The following SSBP4 variants were observed in gnomAD, a reference collection of about 807,000 sequenced individuals.
The protein encoded by SSBP4 is single-stranded DNA-binding protein 4.
Under a neutral mutation model 64.6 loss-of-function variants are expected in SSBP4, and 33 were observed. The ratio of observed to expected loss-of-function variants is 0.51; its 90% CI spans 0.39 to 0.68. SSBP4 has a LOEUF of 0.68. Ranked by LOEUF, SSBP4 falls within the 30% of genes least tolerant of loss-of-function variation. The probability of loss-of-function intolerance (pLI) is 0.00; values close to 1 mark genes in which losing one functional copy is unlikely to be tolerated. For missense variants in SSBP4, 583 were observed against 566.8 expected, an observed-to-expected ratio of 1.03 and a Z score of -0.29; for synonymous variants, 243 against 224.0, an observed-to-expected ratio of 1.08 and a Z score of -0.76.
At chr19:18,420,061 C>G (rs1972328239) in intron 1 of SSBP4, 2 of 154,754 alleles carry the variant, frequency 1.3e-5, no homozygotes, top group African/African-American at 4.8e-5. Context: ...CCGAGCGGGT[C>G]TCGGGGGTCG....
At chr19:18,432,243 G>A in intron 10 of SSBP4, 29 bp downstream of exon 10, 1 of 1,608,642 alleles carries the variant, frequency 6.2e-7, no homozygotes, top group Non-Finnish European at 8.5e-7. Context: ...CTAGGAGTGT[G>A]CAGTTCGCAG....
the SSBP4 span, among the ~76,000 whole-genome samples, chr19:18,411,564 T>C: frequency 6.6e-6 from 1 of 152,022 alleles, no homozygotes; most frequent in African/African-American, 2.4e-5. Context: ...TGGGGACCTC[T>C]CCGAGGGTAT....
intron 1 of SSBP4, among the ~76,000 whole-genome samples, chr19:18,421,741 C>T (rs1972480206): frequency 6.6e-6 from 1 of 152,180 alleles, no homozygotes. Flanking sequence ...TGCAAGAGTG[C>T]CAGATGGGCC....
chr19:18,419,603 C>T lies in SSBP4; in HGVS notation c.-46C>T. 1 of 1,240,526 alleles carries T rather than the reference C, an allele frequency of 8.1e-7. No individual in the cohort carries two copies. Among genetic ancestry groups the T allele is most frequent in the South Asian group, 2.3e-5 (1 of 44,100 alleles). The allele number at this position is 1,240,526 out of a possible 1,614,324, so 76.8% of individuals were successfully genotyped here. A position where few individuals can be genotyped will look rare whatever the true frequency, so the allele number is the denominator to read the frequency against. ...TGGCGACGGCAAGCGCGGCCCGCGG[C>T]GCCGCCTGACAGGTGTGGGCCCCGG... On this transcript the variant is annotated 5_prime_UTR_variant, in exon 1 of 18. Transcript: ENST00000270061.
rs984651188 is a variant in SSBP4, at chr19:18,431,004, G to A, written c.369+74G>A. On this transcript the variant is annotated intron_variant, in intron 5 of 17. Coordinates refer to ENST00000270061, the MANE Select transcript of SSBP4 (RefSeq NM_032627.5). ...CGTTTGAGGGTGGGGGGGGTCCCACGTGGGCAGAGGTCATGAGGCCGGCAG... is the reference window on the plus strand; with the variant it reads ...CGTTTGAGGGTGGGGGGGGTCCCACATGGGCAGAGGTCATGAGGCCGGCAG... 4.9e-5 allele frequency: 74 copies of A among 1,520,132 alleles called. No individual in the cohort carries two copies. The Admixed American group carries it at 9.2e-4, about 19-fold the overall frequency. 94.2% of individuals were successfully genotyped at this position (1,520,132 alleles called of 1,614,324 possible).
In SSBP4 at chr19:18,420,544, G is replaced by A. The variant is rs151000076; in HGVS notation, c.59+837G>A. Among the ~76,000 whole-genome samples the A allele has an allele frequency of 3.9e-5, 6 of 152,186 alleles. No individual in the cohort carries two copies. In the East Asian group the frequency reaches 1.2e-3, roughly 30 times the overall value. ...AGTGACCGTCCCGCAGGAAGGGCAC[G>A]GGGCAGTTTGCAGTGTTGTTAAAAG... On this transcript the variant is annotated intron_variant, in intron 1 of 17. Transcript: ENST00000270061.
chr19:18,414,284 C>T (rs186741617), upstream of SSBP4, among the ~76,000 whole-genome samples: 2 of 152,302 alleles, frequency 1.3e-5, no homozygotes, highest in Admixed American at 6.5e-5. Flanking sequence ...GCTCACATGA[C>T]GTCCTTGGTT....
At chr19:18,429,928 C>T (rs938314126) in intron 4 of SSBP4, among the ~76,000 whole-genome samples, 1 of 152,064 alleles carries the variant, frequency 6.6e-6, no homozygotes, top group East Asian at 1.9e-4. Context: ...AGGAGCCCTC[C>T]TCTAGGCAGG....
the SSBP4 span, among the ~76,000 whole-genome samples, chr19:18,407,536 C>A: frequency 6.6e-6 from 1 of 152,034 alleles, no homozygotes; most frequent in Admixed American, 6.6e-5. Flanking sequence ...CCTGCCTCAA[C>A]CTCCCAAGTA....
chr19:18,427,025 C>T lies in SSBP4; in HGVS notation c.60-326C>T, dbSNP rs1972904411. Among the ~76,000 whole-genome samples, 1 of 152,114 alleles carries T rather than the reference C, an allele frequency of 6.6e-6. No individual in the cohort carries two copies. Among genetic ancestry groups the T allele is most frequent in the Non-Finnish European group, 1.5e-5 (1 of 68,002 alleles). ...GCCCAGGGTGCCCAGTGGTCGTCCCCACCCTGCACACACACAGGAATGACA... is the reference window on the plus strand; with the variant it reads ...GCCCAGGGTGCCCAGTGGTCGTCCCTACCCTGCACACACACAGGAATGACA... On this transcript the variant is annotated intron_variant, in intron 1 of 17. Coordinates refer to ENST00000270061, the MANE Select transcript of SSBP4 (RefSeq NM_032627.5). The surrounding 1 kb of genome is among the most constrained non-coding windows in gnomAD (Gnocchi z 4.4).
rs1972266776 is a variant in SSBP4 at position 18,419,449 on chromosome 19, C to T, written c.-200C>T. 4 of 1,057,022 alleles carry T rather than the reference C, an allele frequency of 3.8e-6. No homozygotes were observed. The highest frequency in any genetic ancestry group is 4.6e-6 in the Non-Finnish European group (4 of 878,168). The allele number at this position is 1,057,022 out of a possible 1,614,324, so 65.5% of individuals were successfully genotyped here. A position where few individuals can be genotyped will look rare whatever the true frequency, so the allele number is the denominator to read the frequency against. ...AAAGGGAGGAAAAAAAGCCACCCTG[C>T]GGCCGGGGCCGGAGCTGGAGCCGCC... On this transcript the variant is annotated 5_prime_UTR_variant, in exon 1 of 18. Coordinates refer to ENST00000270061, the MANE Select transcript of SSBP4 (RefSeq NM_032627.5).
chr19:18,417,696 G>A (rs964139278), upstream of SSBP4, among the ~76,000 whole-genome samples: 2 of 152,202 alleles, frequency 1.3e-5, no homozygotes, highest in African/African-American at 2.4e-5. The surrounding 1 kb of genome is among the most constrained non-coding windows in gnomAD (Gnocchi z 5.4). Context: ...GCCCGCGGGA[G>A]AGGAAGCTGG....
At chr19:18,431,518 G>A in intron 6 of SSBP4, 100 bp downstream of exon 6, 1 of 1,347,914 alleles carries the variant, frequency 7.4e-7, no homozygotes, top group Non-Finnish European at 1.0e-6. Context: ...GGTGCCAGCT[G>A]GCCGGGCTTT....
chr19:18,404,402 T>A, the SSBP4 span, among the ~76,000 whole-genome samples: 1 of 151,598 alleles, frequency 6.6e-6, no homozygotes, highest in East Asian at 1.9e-4. Flanking sequence ...ACGACCAGCC[T>A]GGCCAACATG....
At chr19:18,414,904 G>A (rs150366454), upstream of SSBP4, among the ~76,000 whole-genome samples, 148 of 152,286 alleles carry the variant, frequency 9.7e-4, no homozygotes, top group African/African-American at 3.4e-3. Flanking sequence ...CAGGCCCAGA[G>A]CCTCTATCTG....
At chr19:18,411,497 AG>A in the SSBP4 span, among the ~76,000 whole-genome samples, 1 of 152,108 alleles carries the variant, frequency 6.6e-6, no homozygotes, top group African/African-American at 2.4e-5. Context: ...TTCGTCTTAA[AG>A]AAAAAAAAAA....
At chr19:18,432,761 C>T (rs760093607) in intron 12 of SSBP4, 26 bp downstream of exon 12, 3 of 1,611,752 alleles carry the variant, frequency 1.9e-6, no homozygotes, top group Admixed American at 1.7e-5. Context: ...GCTGGGTCAC[C>T]CCTGGGCAGG....
At chr19:18,412,097 T>C in the SSBP4 span, among the ~76,000 whole-genome samples, 3 of 151,640 alleles carry the variant, frequency 2.0e-5, no homozygotes, top group African/African-American at 7.3e-5. Context: ...CCCAGGAGTT[T>C]GAGGCTGCAG....
chr19:18,409,721 T>G, the SSBP4 span, among the ~76,000 whole-genome samples: 1 of 152,056 alleles, frequency 6.6e-6, no homozygotes, highest in Admixed American at 6.6e-5. Context: ...GGTCTCACTG[T>G]GTTGCCCAGG....
Sources: allele counts gnomAD v4.1 joint callset (sites outside exome capture counted in the v4.1 genomes callset), GRCh38; gene constraint gnomAD v4.1.1; non-coding constraint Gnocchi (gnomAD v3.1); transcripts MANE v1.5; gene names NCBI Gene and HGNC (gene_info 2026-07-23, HGNC 2026-07-21).